Variants in SLC24A3 observed in about 807,000 individuals in gnomAD.
SLC24A3 encodes the protein sodium/potassium/calcium exchanger 3.
SLC24A3 carries 28 observed loss-of-function variants against 75.8 expected under a neutral mutation model. That is an observed-to-expected ratio of 0.37 (90% confidence interval 0.27 to 0.51). The LOEUF is 0.51. Ranked by LOEUF, SLC24A3 falls within the 20% of genes least tolerant of loss-of-function variation. The pLI is 0.94. For synonymous variants in SLC24A3, 372 were observed against 334.1 expected, an observed-to-expected ratio of 1.11 and a Z score of -1.24; for missense variants, 663 against 847.8, an observed-to-expected ratio of 0.78 and a Z score of 2.71.
chr20:19,720,632 T>TG (rs1010522564), intron 16 of SLC24A3, among the ~76,000 whole-genome samples: 31 of 151,574 alleles, frequency 2.0e-4, no homozygotes, highest in African/African-American at 7.3e-4. Context: ...CCCAGGGGAG[T>TG]GGGGGCCTGC....
intron 2 of SLC24A3, among the ~76,000 whole-genome samples, chr20:19,477,136 A>G (rs574244623): frequency 6.6e-6 from 1 of 151,976 alleles, no homozygotes; most frequent in South Asian, 2.1e-4. Flanking sequence ...GAGACTGGGA[A>G]AGGAAGTACT....
chr20:19,446,123 A>T (rs2122474817), intron 2 of SLC24A3, among the ~76,000 whole-genome samples: 2 of 152,296 alleles, frequency 1.3e-5, no homozygotes, highest in South Asian at 4.1e-4. Flanking sequence ...CTGCTCATAG[A>T]GTGTGGCTTC....
chr20:19,473,302 A>T (rs1184286919), intron 2 of SLC24A3, among the ~76,000 whole-genome samples: 1 of 152,230 alleles, frequency 6.6e-6, no homozygotes, highest in Non-Finnish European at 1.5e-5. Flanking sequence ...TTATTTATTT[A>T]CATTATAAAG....
rs137886511 is a variant in SLC24A3 at position 19,372,001 on chromosome 20, A to G, written c.271+90914A>G. 3.8e-4 allele frequency among the ~76,000 whole-genome samples: 58 copies of G among 152,316 alleles called. No individual in the cohort carries two copies. The East Asian group carries it at 8.9e-3, about 23-fold the overall frequency. On this transcript the variant is annotated intron_variant, in intron 2 of 16. Coordinates refer to ENST00000328041, the MANE Select transcript of SLC24A3 (RefSeq NM_020689.4). ...ATCCCTATGCCATCATCCCCAGACCAGACCCAGGGCTTCTATATCATAGAG... is the reference window on the plus strand; with the variant it reads ...ATCCCTATGCCATCATCCCCAGACCGGACCCAGGGCTTCTATATCATAGAG...
intron 2 of SLC24A3, among the ~76,000 whole-genome samples, chr20:19,435,187 G>C (rs1403424432): frequency 6.6e-6 from 1 of 152,194 alleles, no homozygotes; most frequent in Non-Finnish European, 1.5e-5. Flanking sequence ...AATCCTGGCA[G>C]AGCCAATTAC....
At chr20:19,675,367 A>C (rs1372047745) in intron 9 of SLC24A3, among the ~76,000 whole-genome samples, 3 of 152,264 alleles carry the variant, frequency 2.0e-5, no homozygotes, top group African/African-American at 7.2e-5. Context: ...GAACTGACAC[A>C]TTAAGGTTTC....
chr20:19,325,008 G>A (rs531123470), intron 2 of SLC24A3, among the ~76,000 whole-genome samples: 1 of 146,104 alleles, frequency 6.8e-6, no homozygotes, highest in Admixed American at 6.8e-5. Flanking sequence ...ATGGACGGTA[G>A]ATGGTAGAGC....
chr20:19,687,063 C>T (rs1469657060), intron 12 of SLC24A3, among the ~76,000 whole-genome samples: 1 of 152,224 alleles, frequency 6.6e-6, no homozygotes, highest in Non-Finnish European at 1.5e-5. Flanking sequence ...CAGCTCAAAA[C>T]AAGACCCTCT....
chr20:19,265,816 CT>C, intron 1 of SLC24A3: 3 of 152,874 alleles, frequency 2.0e-5, no homozygotes, highest in Admixed American at 2.0e-4. Flanking sequence ...GGGTGAGTCT[CT>C]TTCTGGGAGC....
chr20:19,429,207 C>T lies in SLC24A3; in HGVS notation c.272-86281C>T, dbSNP rs938251248. ...CTATCCTCACTGTTCACTCAACCATCCTCCACTATTCTCACCTTTACCTCT... is the reference window on the plus strand; with the variant it reads ...CTATCCTCACTGTTCACTCAACCATTCTCCACTATTCTCACCTTTACCTCT... On this transcript the variant is annotated intron_variant, in intron 2 of 16. Coordinates refer to ENST00000328041, the MANE Select transcript of SLC24A3 (RefSeq NM_020689.4). Among the ~76,000 whole-genome samples the T allele has an allele frequency of 2.6e-5, 4 of 152,348 alleles. 1 individual carries two copies. In the South Asian group the frequency reaches 8.3e-4, roughly 32 times the overall value.
intron 2 of SLC24A3, among the ~76,000 whole-genome samples, chr20:19,463,999 A>G (rs554581979): frequency 6.6e-6 from 1 of 152,350 alleles, no homozygotes; most frequent in South Asian, 2.1e-4. Context: ...AGCCCTGAAC[A>G]CTTGTGAAAT....
intron 2 of SLC24A3, among the ~76,000 whole-genome samples, chr20:19,290,545 A>G (rs942895919): frequency 1.2e-4 from 19 of 152,194 alleles, no homozygotes; most frequent in Non-Finnish European, 2.6e-4. Context: ...TCTATGAACC[A>G]GCATGCAGGC....
intron 2 of SLC24A3, among the ~76,000 whole-genome samples, chr20:19,302,120 C>CA: frequency 6.6e-6 from 1 of 152,294 alleles, no homozygotes; most frequent in Non-Finnish European, 1.5e-5. Flanking sequence ...CTCAGCTACA[C>CA]CTAAGTGCTC....
chr20:19,247,318 G>A lies in SLC24A3; in HGVS notation c.143-33641G>A, dbSNP rs143953256. Among the ~76,000 whole-genome samples, 1,165 of 152,234 alleles carry A rather than the reference G, an allele frequency of 7.7e-3. 11 individuals are homozygous for A. The highest frequency in any genetic ancestry group is 0.031 in the Middle Eastern group (9 of 294). ...TGCCCACTCTCCTACCTACCCTCGCGAAAGTTACTTGTAACCCCAGTTACT... is the reference window on the plus strand; with the variant it reads ...TGCCCACTCTCCTACCTACCCTCGCAAAAGTTACTTGTAACCCCAGTTACT... On this transcript the variant is annotated intron_variant, in intron 1 of 16. Coordinates refer to ENST00000328041, the MANE Select transcript of SLC24A3 (RefSeq NM_020689.4).
At chr20:19,515,350 A>C (rs2029964636) in intron 2 of SLC24A3, 138 bp from the exon 3 acceptor site, 1 of 787,780 alleles carries the variant, frequency 1.3e-6, no homozygotes, top group Non-Finnish European at 2.1e-6. Context: ...AATTCTGGTT[A>C]GTTTTGTGAA....
intron 6 of SLC24A3, among the ~76,000 whole-genome samples, chr20:19,611,071 T>C (rs1236586353): frequency 6.6e-6 from 1 of 152,182 alleles, no homozygotes; most frequent in African/African-American, 2.4e-5. Flanking sequence ...TCACGGATGC[T>C]AAATTCCCTT....
intron 13 of SLC24A3, among the ~76,000 whole-genome samples, chr20:19,695,875 T>G (rs1428076473): frequency 3.9e-5 from 6 of 152,194 alleles, no homozygotes; most frequent in African/African-American, 1.2e-4. Context: ...TTTCTGTGTC[T>G]GAGCTGTTTC....
At chr20:19,535,535 C>T (rs890033563) in intron 3 of SLC24A3, among the ~76,000 whole-genome samples, 1 of 152,214 alleles carries the variant, frequency 6.6e-6, no homozygotes, top group Non-Finnish European at 1.5e-5. Context: ...GACACAACTT[C>T]CCCTCCAGTA....
intron 1 of SLC24A3, among the ~76,000 whole-genome samples, chr20:19,219,046 T>G (rs543191067): frequency 3.5e-4 from 53 of 152,312 alleles, no homozygotes; most frequent in African/African-American, 1.2e-3. Context: ...TTATATTTAT[T>G]GTTTGCAATG....
Sources: gnomAD v4.1 joint callset for allele counts (sites outside exome capture counted in the v4.1 genomes callset) on GRCh38, gnomAD v4.1.1 for gene constraint, MANE v1.5 for transcripts, NCBI Gene and HGNC (gene_info 2026-07-23, HGNC 2026-07-21) for gene names.